The following NHSL1 variants were observed in gnomAD, a reference collection of about 807,000 sequenced individuals.
The protein encoded by NHSL1 is NHS-like protein 1.
NHSL1 carries 48 observed loss-of-function variants against 95.0 expected under a neutral mutation model. The ratio of observed to expected loss-of-function variants is 0.51; its 90% CI spans 0.40 to 0.64. NHSL1 has a LOEUF of 0.64. Ranked by LOEUF, NHSL1 falls within the 30% of genes least tolerant of loss-of-function variation. The probability of loss-of-function intolerance (pLI) is 0.00; values close to 1 mark genes in which losing one functional copy is unlikely to be tolerated. For synonymous variants in NHSL1, 783 were observed against 833.9 expected, an observed-to-expected ratio of 0.94 and a Z score of 1.05; for missense variants, 1,971 against 2,077.7, an observed-to-expected ratio of 0.95 and a Z score of 1.00.
rs369191897 is a variant in NHSL1 at position 138,437,345 on chromosome 6, CAT to C, written c.665-3667_665-3666del. On this transcript the variant is annotated intron_variant, in intron 5 of 7. Coordinates refer to ENST00000343505, the MANE Select transcript of NHSL1 (RefSeq NM_001144060.2). ...ACACACACACATATATATATATACA[CAT>C]ATATATATACACATATATATATATA... 1.9e-3 allele frequency among the ~76,000 whole-genome samples: 183 copies of C among 96,398 alleles called. 22 individuals are homozygous for C. The highest frequency in any genetic ancestry group is 7.4e-3 in the African/African-American group (164 of 22,260). The allele number at this position is 96,398 out of a possible 152,430, so 63.2% of individuals were successfully genotyped here.
chr6:138,472,710 ACTTAT>A (rs1228820805), intron 3 of NHSL1, among the ~76,000 whole-genome samples: 65 of 152,368 alleles, frequency 4.3e-4, no homozygotes, highest in Non-Finnish European at 7.3e-5. Context: ...TGAGAAAATT[ACTTAT>A]CTTAAGTGGT....
intron 1 of NHSL1, among the ~76,000 whole-genome samples, chr6:138,663,068 A>AAAAAAG (rs1216619799): frequency 4.6e-5 from 7 of 151,884 alleles, no homozygotes; most frequent in Non-Finnish European, 1.0e-4. Flanking sequence ...ACGGCAAAAA[A>AAAAAAG]AAAAAGAAAA....
chr6:138,684,244 T>C (rs575699416), intron 1 of NHSL1, among the ~76,000 whole-genome samples: 5 of 150,834 alleles, frequency 3.3e-5, no homozygotes, highest in African/African-American at 1.2e-4. Flanking sequence ...GCAAAGACAG[T>C]CTGACATCAG....
intron 1 of NHSL1, among the ~76,000 whole-genome samples, chr6:138,533,084 C>T (rs142220508): frequency 4.6e-5 from 7 of 152,062 alleles, no homozygotes; most frequent in African/African-American, 1.2e-4. Context: ...TTAAATAGTA[C>T]CTAATACAGA....
At chr6:138,598,295 C>T (rs1392113101) in intron 1 of NHSL1, among the ~76,000 whole-genome samples, 1 of 151,874 alleles carries the variant, frequency 6.6e-6, no homozygotes, top group Non-Finnish European at 1.5e-5. Context: ...CCTGTCTCTA[C>T]AAAAATACAA....
chr6:138,639,724 T>C (rs143439797), intron 1 of NHSL1, among the ~76,000 whole-genome samples: 129 of 138,140 alleles, frequency 9.3e-4, no homozygotes, highest in African/African-American at 3.6e-3. Context: ...AAGAATCACT[T>C]GAACCTGGGA....
upstream of NHSL1, among the ~76,000 whole-genome samples, chr6:138,574,021 G>A (rs1030977298): frequency 3.9e-5 from 6 of 152,008 alleles, no homozygotes; most frequent in Admixed American, 6.6e-5. Context: ...TCTGCCTCCC[G>A]GGTTCACACC....
chr6:138,433,482 G>A lies in NHSL1; in HGVS notation c.863C>T (p.Ala288Val). 6.4e-7 allele frequency: 1 copy of A among 1,552,148 alleles called. No homozygotes were observed. Among genetic ancestry groups the A allele is most frequent in the South Asian group, 1.2e-5 (1 of 84,054 alleles). The change falls in exon 6 of 8, where the codon GCT (alanine) becomes GTT (valine). Residue 288 changes from alanine (A) to valine (V), a missense_variant. Transcript: ENST00000343505. ...ACCTGAGAAGTGGCCCATCTGGGCAGCAATGCCTTGCCCCTTCTGTGCCCT... is the reference window on the plus strand; with the variant it reads ...ACCTGAGAAGTGGCCCATCTGGGCAACAATGCCTTGCCCCTTCTGTGCCCT... ...RIRAQKGQGI[A>V]AQMGHFSGSS...
chr6:138,632,561 G>C (rs979963678), intron 1 of NHSL1, among the ~76,000 whole-genome samples: 2 of 152,164 alleles, frequency 1.3e-5, no homozygotes, highest in Admixed American at 6.5e-5. Flanking sequence ...GAGAGCAAGA[G>C]TTTCTGCCTG....
intron 1 of NHSL1, among the ~76,000 whole-genome samples, chr6:138,611,274 T>G (rs1784508841): frequency 6.6e-6 from 1 of 152,180 alleles, no homozygotes; most frequent in South Asian, 2.1e-4. Context: ...CACATATGCC[T>G]CACTAAAGGA....
At chr6:138,559,661 G>GA (rs1342964435) in intron 1 of NHSL1, among the ~76,000 whole-genome samples, 1 of 151,534 alleles carries the variant, frequency 6.6e-6, no homozygotes, top group South Asian at 2.1e-4. Flanking sequence ...TACATATTGA[G>GA]AAAAAAAAGC....
Position 138,433,386 on chromosome 6 carries a change from G to C in NHSL1, c.959C>G (p.Ala320Gly), listed in dbSNP as rs1013284871. 3 of 1,552,318 alleles carry C rather than the reference G, an allele frequency of 1.9e-6. No homozygotes were observed. The highest frequency in any genetic ancestry group is 2.6e-6 in the Non-Finnish European group (3 of 1,147,148). Residue 320 changes from alanine to glycine, a missense_variant, in exon 6 of 8, where the codon GCT becomes GGT. Around this residue, in one of 3 missense-constraint regions of NHSL1, gnomAD observed 1,602 missense variants for 1,654.5 expected, o/e 0.97. Coordinates refer to ENST00000343505, the MANE Select transcript of NHSL1 (RefSeq NM_001144060.2). ...AGAACGCGGAAGACTATGGAAGCCA[G>C]CATCACTGTCAAGGCGGGAAGGGAA... ...IVFPSRLDSD[A>G]GFHSLPRSGA... is the part of the protein sequence containing the mutation.
intron 1 of NHSL1, among the ~76,000 whole-genome samples, chr6:138,620,417 G>GT (rs947784046): frequency 4.5e-4 from 68 of 151,880 alleles, no homozygotes; most frequent in African/African-American, 1.3e-3. Flanking sequence ...AACATTAGTT[G>GT]TTTTTTTTGA....
At chr6:138,660,831 T>C (rs1209476930) in intron 1 of NHSL1, among the ~76,000 whole-genome samples, 1 of 150,602 alleles carries the variant, frequency 6.6e-6, no homozygotes, top group Non-Finnish European at 1.5e-5. Flanking sequence ...CGATGGCTCA[T>C]GCCTGTAATC....
intron 3 of NHSL1, among the ~76,000 whole-genome samples, chr6:138,470,003 T>C (rs1209744569): frequency 6.6e-6 from 1 of 152,118 alleles, no homozygotes; most frequent in East Asian, 1.9e-4. Context: ...CAGTTAGCTA[T>C]TATGATAGTA....
At chr6:138,525,532 TAA>T (rs1480139763) in intron 1 of NHSL1, among the ~76,000 whole-genome samples, 1 of 24,938 alleles carries the variant, frequency 4.0e-5, no homozygotes, top group African/African-American at 9.2e-5. Context: ...TGTCTCAAAA[TAA>T]ATAAATAAAT....
At chr6:138,669,235 C>G (rs896687642) in intron 1 of NHSL1, among the ~76,000 whole-genome samples, 4 of 152,048 alleles carry the variant, frequency 2.6e-5, no homozygotes, top group Admixed American at 1.3e-4. Flanking sequence ...CTAGACCCCT[C>G]TCAAAGCCCT....
At chr6:138,616,481 G>C (rs1784579362) in intron 1 of NHSL1, among the ~76,000 whole-genome samples, 1 of 152,074 alleles carries the variant, frequency 6.6e-6, no homozygotes, top group South Asian at 2.1e-4. Flanking sequence ...CAAGTAAATA[G>C]AGAAAGGGGG....
intron 3 of NHSL1, chr6:138,463,985 A>C (rs1352418611): frequency 3.9e-6 from 1 of 258,980 alleles, no homozygotes; most frequent in African/African-American, 2.2e-5. Context: ...GCTTTGGTTC[A>C]CTTGATGGCT....
Sources: allele counts gnomAD v4.1 joint callset (sites outside exome capture counted in the v4.1 genomes callset), GRCh38; gene constraint gnomAD v4.1.1; regional missense constraint gnomAD v4.1.1; transcripts MANE v1.5; gene names NCBI Gene and HGNC (gene_info 2026-07-23, HGNC 2026-07-21).